Variants in SLC49A4 observed in about 807,000 individuals in gnomAD.
SLC49A4 encodes the protein solute carrier family 49 member 4, also known as disrupted in renal cancer protein 2.
A neutral mutation model predicts 50.6 loss-of-function variants in SLC49A4; 36 were observed. The ratio of observed to expected loss-of-function variants is 0.71; its 90% CI spans 0.55 to 0.94. The LOEUF (loss-of-function observed/expected upper bound fraction) is 0.94. Ranked by LOEUF, SLC49A4 falls within the 40% of genes least tolerant of loss-of-function variation. The pLI, the probability that SLC49A4 is intolerant of heterozygous loss-of-function variation, is 0.00. For synonymous variants in SLC49A4, 248 were observed against 241.2 expected, an observed-to-expected ratio of 1.03 and a Z score of -0.26; for missense variants, 503 against 605.7, an observed-to-expected ratio of 0.83 and a Z score of 1.78.
At chr3:122,852,804 C>G (rs1472265204) in intron 5 of SLC49A4, among the ~76,000 whole-genome samples, 1 of 152,176 alleles carries the variant, frequency 6.6e-6, no homozygotes, top group Non-Finnish European at 1.5e-5. Flanking sequence ...TTCTCAGTCC[C>G]TTAGCCACCT....
chr3:122,827,865 TCAA>T (rs1435413653), intron 3 of SLC49A4, among the ~76,000 whole-genome samples: 6 of 152,190 alleles, frequency 3.9e-5, no homozygotes, highest in Non-Finnish European at 8.8e-5. Context: ...AGGAAAGGCT[TCAA>T]CAAGAATGTA....
intron 6 of SLC49A4, among the ~76,000 whole-genome samples, chr3:122,857,921 T>C (rs924395545): frequency 2.0e-5 from 3 of 152,206 alleles, no homozygotes; most frequent in African/African-American, 7.2e-5. Flanking sequence ...GATATAGATA[T>C]AATTAAAGGG....
rs1937322941 is a variant in SLC49A4 at position 122,880,468 on chromosome 3, T to C, written c.*1090T>C. The C allele has an allele frequency of 6.6e-6, 1 of 152,182 alleles. No individual in the cohort carries two copies. The highest frequency in any genetic ancestry group is 2.4e-5 in the African/African-American group (1 of 41,420). 9.4% of individuals were successfully genotyped at this position (152,182 alleles called of 1,614,324 possible). A position where few individuals can be genotyped will look rare whatever the true frequency, so the allele number is the denominator to read the frequency against. On this transcript the variant is annotated 3_prime_UTR_variant, in exon 9 of 9. Coordinates refer to ENST00000261038, the MANE Select transcript of SLC49A4 (RefSeq NM_032839.3). ...TTTTTAAGAAATAAGAGTTCCACAT[T>C]GAGTGGCTGTCAGACACAGATTTCA...
intron 5 of SLC49A4, 39 bp from the exon 6 acceptor site, chr3:122,856,268 A>G: frequency 6.2e-7 from 1 of 1,602,458 alleles, no homozygotes. Flanking sequence ...TTGCAGTATG[A>G]TTGTCTTGTA....
At chr3:122,870,381 CATT>C (rs1485991434) in intron 7 of SLC49A4, among the ~76,000 whole-genome samples, 1 of 150,874 alleles carries the variant, frequency 6.6e-6, no homozygotes, top group South Asian at 2.1e-4. Flanking sequence ...TTATTATTAT[CATT>C]ATTATTATTA....
chr3:122,818,281 G>A (rs969931522), intron 2 of SLC49A4, among the ~76,000 whole-genome samples: 3 of 152,166 alleles, frequency 2.0e-5, no homozygotes, highest in Admixed American at 6.5e-5. Flanking sequence ...TGCATAAGCT[G>A]TATATTCAGT....
At chr3:122,859,805 G>A (rs185358933) in intron 6 of SLC49A4, among the ~76,000 whole-genome samples, 6 of 152,212 alleles carry the variant, frequency 3.9e-5, no homozygotes, top group Admixed American at 1.3e-4. Context: ...GCAATGGTGA[G>A]ATCCTGTCTC....
chr3:122,864,285 C>T (rs766715225), intron 7 of SLC49A4, among the ~76,000 whole-genome samples: 2 of 152,038 alleles, frequency 1.3e-5, no homozygotes, highest in Non-Finnish European at 2.9e-5. Flanking sequence ...TAGAATAGGG[C>T]GAATAAATAA....
intron 8 of SLC49A4, among the ~76,000 whole-genome samples, chr3:122,875,591 A>G (rs369905032): frequency 8.5e-5 from 13 of 152,136 alleles, no homozygotes; most frequent in East Asian, 7.7e-4. Flanking sequence ...GGCTCAAGCA[A>G]TCCACCTGCC....
rs770811208 is a variant in SLC49A4, at chr3:122,826,872, T to A, written c.510T>A (p.Ser170=). 6.2e-7 allele frequency: 1 copy of A among 1,614,190 alleles called. No individual in the cohort carries two copies. The highest frequency in any genetic ancestry group is 1.1e-5 in the South Asian group (1 of 91,088). ...TAATGAATGCAGCACCATTTCTCTC[T>A]ACGACGTGGTTTTCTGCAGATGAAA... ...PTVMNAAPFL[S]TTWFSADERA... The change falls in exon 3 of 9, where the codon TCT becomes TCA. Residue 170 remains serine (S), a synonymous_variant. Coordinates refer to ENST00000261038, the MANE Select transcript of SLC49A4 (RefSeq NM_032839.3).
chr3:122,795,249 CGGGCCTGGGCTG>C lies in SLC49A4; in HGVS notation c.61_72del (p.Pro21_Gly24del), dbSNP rs1172892656. The C allele has an allele frequency of 7.4e-7, 1 of 1,347,498 alleles. No individual in the cohort carries two copies. The highest frequency in any genetic ancestry group is 4.1e-5 in the Admixed American group (1 of 24,126). 83.5% of individuals were successfully genotyped at this position (1,347,498 alleles called of 1,614,324 possible). A position where few individuals can be genotyped will look rare whatever the true frequency, so the allele number is the denominator to read the frequency against. On this transcript the variant is annotated inframe_deletion, in exon 1 of 9. Transcript: ENST00000261038. ...GGCAGCCGCTGCTGGGGCCCGGGCT[CGGGCCTGGGCTG>C]GGGGCCTCCTGGAGAAGCCGGGAGG...
chr3:122,827,626 A>G (rs952214796), intron 3 of SLC49A4, among the ~76,000 whole-genome samples: 1 of 152,206 alleles, frequency 6.6e-6, no homozygotes, highest in African/African-American at 2.4e-5. Flanking sequence ...GTCCACTCTT[A>G]TAGTATAGTC....
chr3:122,838,097 T>C (rs1211612502), intron 4 of SLC49A4, among the ~76,000 whole-genome samples: 1 of 151,796 alleles, frequency 6.6e-6, no homozygotes, highest in Non-Finnish European at 1.5e-5. Context: ...GGAACACTTT[T>C]ACACTGTTGG....
At chr3:122,852,143 A>C (rs571572104) in intron 5 of SLC49A4, among the ~76,000 whole-genome samples, 4 of 151,854 alleles carry the variant, frequency 2.6e-5, no homozygotes, top group African/African-American at 9.7e-5. Context: ...AGGCGCGTAC[A>C]ACCATACCCA....
At chr3:122,828,502 A>C (rs1936566264) in intron 3 of SLC49A4, among the ~76,000 whole-genome samples, 1 of 152,366 alleles carries the variant, frequency 6.6e-6, no homozygotes, top group Middle Eastern at 3.4e-3. Context: ...GTTCAAGCCC[A>C]GAGTGGCTTA....
intron 2 of SLC49A4, among the ~76,000 whole-genome samples, chr3:122,813,318 GA>G (rs1458104088): frequency 6.7e-6 from 1 of 148,908 alleles, no homozygotes; most frequent in Non-Finnish European, 1.5e-5. Context: ...TGTTGTTTTT[GA>G]AATACGGTTA....
chr3:122,799,428 A>G (rs530733151), intron 1 of SLC49A4, among the ~76,000 whole-genome samples: 5 of 152,336 alleles, frequency 3.3e-5, no homozygotes, highest in South Asian at 2.1e-4. Context: ...AAAGATTCCA[A>G]ACTTGTCTGG....
intron 2 of SLC49A4, among the ~76,000 whole-genome samples, chr3:122,819,275 CAGAA>C (rs1455812379): frequency 1.4e-5 from 2 of 147,710 alleles, no homozygotes; most frequent in African/African-American, 5.0e-5. Context: ...TCCTGTGAGA[CAGAA>C]AGTATCTTTG....
intron 7 of SLC49A4, among the ~76,000 whole-genome samples, chr3:122,865,623 GT>G (rs1937109110): frequency 6.6e-6 from 1 of 152,190 alleles, no homozygotes; most frequent in Non-Finnish European, 1.5e-5. Flanking sequence ...CACTGTGAAT[GT>G]TTCTTCTGGC....
Sources: allele counts gnomAD v4.1 joint callset (sites outside exome capture counted in the v4.1 genomes callset), GRCh38; gene constraint gnomAD v4.1.1; transcripts MANE v1.5; gene names NCBI Gene and HGNC (gene_info 2026-07-23, HGNC 2026-07-21).